Variants in CELF2 observed in about 807,000 individuals in gnomAD.
CELF2 encodes CUG triplet repeat RNA-binding protein 2.
A neutral mutation model predicts 62.6 loss-of-function variants in CELF2; 8 were observed. The observed-to-expected ratio is 0.13, with a 90% CI of 0.07 to 0.23. The LOEUF (loss-of-function observed/expected upper bound fraction) is 0.23, where lower values mean the gene tolerates loss of function less well. Ranked by LOEUF, CELF2 falls within the 10% of genes least tolerant of loss-of-function variation. The probability of loss-of-function intolerance (pLI) is 1.00; values close to 1 mark genes in which losing one functional copy is unlikely to be tolerated. For missense variants in CELF2, 333 were observed against 671.0 expected (o/e 0.50, Z 5.56); for synonymous variants, 258 against 250.0 (o/e 1.03, Z -0.30).
chr10:10,562,295 G>T, the CELF2 span, among the ~76,000 whole-genome samples: 115 of 152,324 alleles, frequency 7.5e-4, no homozygotes, highest in Admixed American at 1.4e-3. Context: ...GACTTCTGCA[G>T]ACAGGCTGTG....
the CELF2 span, among the ~76,000 whole-genome samples, chr10:10,597,871 G>T: frequency 6.6e-6 from 1 of 151,976 alleles, no homozygotes; most frequent in Non-Finnish European, 1.5e-5. Flanking sequence ...ATTCCCCAGT[G>T]CATCCCAAAA....
the CELF2 span, among the ~76,000 whole-genome samples, chr10:10,648,174 T>C: frequency 6.6e-6 from 1 of 152,156 alleles, no homozygotes; most frequent in African/African-American, 2.4e-5. Flanking sequence ...TAGCACCTCA[T>C]CCCCATGTTG....
At chr10:10,579,978 T>C in the CELF2 span, among the ~76,000 whole-genome samples, 1 of 151,920 alleles carries the variant, frequency 6.6e-6, no homozygotes, top group Non-Finnish European at 1.5e-5. Flanking sequence ...TAACAAAGAG[T>C]GTGAGATCTG....
the CELF2 span, among the ~76,000 whole-genome samples, chr10:10,523,358 A>T: frequency 6.6e-6 from 1 of 152,212 alleles, no homozygotes; most frequent in Non-Finnish European, 1.5e-5. Context: ...TATTTAAATG[A>T]TTTTTTAAAT....
At chr10:10,669,790 TCCTG>T in the CELF2 span, among the ~76,000 whole-genome samples, 2 of 152,174 alleles carry the variant, frequency 1.3e-5, no homozygotes, top group African/African-American at 4.8e-5. Context: ...TCCCTCTGAA[TCCTG>T]GAGAATTTTA....
chr10:11,239,248 CG>C (rs1250391857), intron 3 of CELF2, among the ~76,000 whole-genome samples: 1 of 151,970 alleles, frequency 6.6e-6, no homozygotes, highest in Non-Finnish European at 1.5e-5. Context: ...TGGTGTACGA[CG>C]TGATTTTAAT....
upstream of CELF2, among the ~76,000 whole-genome samples, chr10:10,794,356 GA>G (rs548475225): frequency 3.4e-3 from 517 of 151,414 alleles, 4 homozygotes; most frequent in Non-Finnish European, 5.7e-3. Flanking sequence ...AATAAGAAGA[GA>G]AAAAAAACTA....
At chr10:10,852,242 C>A (rs1447036951) in intron 1 of CELF2, among the ~76,000 whole-genome samples, 5 of 152,144 alleles carry the variant, frequency 3.3e-5, no homozygotes, top group Admixed American at 6.5e-5. Flanking sequence ...TACATCCATA[C>A]AATGGACAAC....
chr10:11,239,036 A>AT (rs1268316975), intron 3 of CELF2, among the ~76,000 whole-genome samples: 2 of 152,218 alleles, frequency 1.3e-5, no homozygotes, highest in African/African-American at 4.8e-5. Context: ...AGGAACTAGG[A>AT]TGCCAAGTTA....
At chr10:10,731,859 T>G in the CELF2 span, among the ~76,000 whole-genome samples, 1,147 of 152,184 alleles carry the variant, frequency 7.5e-3, 5 homozygotes, top group Non-Finnish European at 0.013. Context: ...GAAAAGTGAG[T>G]CAGGATAAGC....
chr10:10,831,480 A>G (rs1223290889), intron 1 of CELF2, among the ~76,000 whole-genome samples: 2 of 152,256 alleles, frequency 1.3e-5, no homozygotes, highest in Non-Finnish European at 2.9e-5. Context: ...TGTTGAGAAC[A>G]GGGATGAGAA....
At chr10:10,708,842 C>G in the CELF2 span, among the ~76,000 whole-genome samples, 1 of 151,998 alleles carries the variant, frequency 6.6e-6, no homozygotes, top group South Asian at 2.1e-4. Context: ...TCACCTTGAC[C>G]CCTCCAAACA....
chr10:10,659,606 A>G, the CELF2 span, among the ~76,000 whole-genome samples: 1 of 152,094 alleles, frequency 6.6e-6, no homozygotes, highest in African/African-American at 2.4e-5. Context: ...AATGGCATCC[A>G]AGGTTCTGGC....
intron 3 of CELF2, among the ~76,000 whole-genome samples, chr10:11,225,842 A>G (rs1257466582): frequency 6.6e-6 from 1 of 152,106 alleles, no homozygotes; most frequent in Non-Finnish European, 1.5e-5. Context: ...GGCTTTATAG[A>G]GTTGTTTATT....
chr10:10,748,524 G>A, the CELF2 span, among the ~76,000 whole-genome samples: 25 of 152,002 alleles, frequency 1.6e-4, no homozygotes, highest in East Asian at 3.9e-4. Context: ...TAAGGTGGGC[G>A]GATCACGAGG....
chr10:11,218,721 C>G (rs1392158985), intron 3 of CELF2, among the ~76,000 whole-genome samples: 2 of 152,270 alleles, frequency 1.3e-5, no homozygotes, highest in African/African-American at 4.8e-5. Flanking sequence ...CCCAGTTTCA[C>G]TGCTTCTCTC....
At chr10:10,996,096 T>C (rs2053920430) in intron 2 of CELF2, among the ~76,000 whole-genome samples, 1 of 152,228 alleles carries the variant, frequency 6.6e-6, no homozygotes, top group African/African-American at 2.4e-5. Flanking sequence ...GTAGAGTTTC[T>C]AATTTTTTAT....
the CELF2 span, among the ~76,000 whole-genome samples, chr10:10,469,033 A>G: frequency 6.6e-6 from 1 of 151,912 alleles, no homozygotes; most frequent in African/African-American, 2.4e-5. Context: ...TCCATGCATA[A>G]TGTTTTCATA....
At chr10:10,540,353 C>T in the CELF2 span, among the ~76,000 whole-genome samples, 1 of 152,168 alleles carries the variant, frequency 6.6e-6, no homozygotes, top group Non-Finnish European at 1.5e-5. Flanking sequence ...GCACACAGTC[C>T]TGGGTTCCAG....
Sources: allele counts gnomAD v4.1 joint callset (sites outside exome capture counted in the v4.1 genomes callset), GRCh38; gene constraint gnomAD v4.1.1; transcripts MANE v1.5; gene names NCBI Gene and HGNC (gene_info 2026-07-23, HGNC 2026-07-21).